Variants in GON4L observed in about 807,000 individuals in gnomAD.
The protein encoded by GON4L is gon-4 like, also known as GON-4-like protein.
Under a neutral mutation model 211.8 loss-of-function variants are expected in GON4L, and 87 were observed. The ratio of observed to expected loss-of-function variants is 0.41; its 90% CI spans 0.35 to 0.49. GON4L has a LOEUF of 0.49. Ranked by LOEUF, GON4L falls within the 20% of genes least tolerant of loss-of-function variation. The pLI is 0.15. For synonymous variants in GON4L, 875 were observed against 962.6 expected (o/e 0.91, Z 1.68); for missense variants, 2,155 against 2,659.5 (o/e 0.81, Z 4.17).
At chr1:155,797,668 A>ACCCCCCCC (rs66502933) in intron 11 of GON4L, among the ~76,000 whole-genome samples, 5 of 143,528 alleles carry the variant, frequency 3.5e-5, no homozygotes, top group Non-Finnish European at 6.1e-5. Flanking sequence ...ACATGGTGAG[A>ACCCCCCCC]CCCCCCCCCT....
At chr1:155,812,558 A>ATT (rs763363461) in intron 10 of GON4L, among the ~76,000 whole-genome samples, 2 of 144,828 alleles carry the variant, frequency 1.4e-5, no homozygotes, top group Non-Finnish European at 1.5e-5. Context: ...CTGTATCCTG[A>ATT]TTTTTTTTTT....
At chr1:155,829,780 C>T (rs1571884098) in intron 2 of GON4L, among the ~76,000 whole-genome samples, 1 of 151,870 alleles carries the variant, frequency 6.6e-6, no homozygotes, top group African/African-American at 2.4e-5. Flanking sequence ...TAGCATCCAG[C>T]ATATCTATAA....
At chr1:155,833,844 T>C (rs927555671) in intron 2 of GON4L, among the ~76,000 whole-genome samples, 10 of 151,310 alleles carry the variant, frequency 6.6e-5, no homozygotes, top group African/African-American at 2.2e-4. Flanking sequence ...TTCTTTTTTT[T>C]ACAGACAAGG....
intron 27 of GON4L, among the ~76,000 whole-genome samples, chr1:155,755,102 G>A (rs1405580866): frequency 4.5e-5 from 6 of 134,212 alleles, no homozygotes; most frequent in Non-Finnish European, 9.3e-5. Flanking sequence ...ATGGAGTCTC[G>A]CTCTTTCTCC....
intron 27 of GON4L, 90 bp from the exon 28 acceptor site, chr1:155,754,578 G>C: frequency 1.3e-6 from 1 of 758,520 alleles, no homozygotes; most frequent in South Asian, 1.7e-5. Flanking sequence ...GGCCCAGGCT[G>C]GGTTGCAGTG....
intron 2 of GON4L, among the ~76,000 whole-genome samples, chr1:155,832,430 G>A (rs764989370): frequency 2.6e-5 from 4 of 152,118 alleles, no homozygotes; most frequent in Non-Finnish European, 4.4e-5. Context: ...CACAAGGTCA[G>A]GAGTTCAAGA....
intron 11 of GON4L, among the ~76,000 whole-genome samples, chr1:155,799,570 T>A (rs948581543): frequency 6.6e-6 from 1 of 152,220 alleles, no homozygotes. Flanking sequence ...TTCCAATCCT[T>A]TAGATATATC....
chr1:155,764,084 T>C (rs1036665358), intron 21 of GON4L, among the ~76,000 whole-genome samples: 4 of 150,530 alleles, frequency 2.7e-5, no homozygotes, highest in East Asian at 3.9e-4. Flanking sequence ...ATCCCAGTGA[T>C]AGCTGACATT....
intron 12 of GON4L, among the ~76,000 whole-genome samples, chr1:155,789,012 C>G (rs1665243107): frequency 6.6e-6 from 1 of 151,592 alleles, no homozygotes; most frequent in Non-Finnish European, 1.5e-5. Flanking sequence ...ATGGCGTGAA[C>G]CTGGTAGGCG....
intron 12 of GON4L, among the ~76,000 whole-genome samples, chr1:155,786,821 T>G (rs1034212478): frequency 6.6e-6 from 1 of 152,180 alleles, no homozygotes; most frequent in Admixed American, 6.5e-5. Context: ...TTGCCCAGGC[T>G]GGTCTCAAAC....
chr1:155,822,988 T>C (rs982738049), intron 3 of GON4L, among the ~76,000 whole-genome samples: 1 of 151,854 alleles, frequency 6.6e-6, no homozygotes, highest in Non-Finnish European at 1.5e-5. Flanking sequence ...AGAGATAGGG[T>C]TTCTCCATGT....
In GON4L at chr1:155,766,574, A is replaced by T. The variant is rs549460246; in HGVS notation, c.2899T>A (p.Ser967Thr). The stretch of plus-strand genomic sequence containing the variant: ...TTAGGCAATAGCAGTGGGTACCGAG[A>T]TTCACTCCCCAACTCCAAATTGTCT... ...EKDNLELGSE[S>T]RYPLLLPKGV... Residue 967 changes from serine (S) to threonine (T), a missense_variant, in exon 21 of 32, where the codon TCT becomes ACT. By Grantham distance (58) the Ser-to-Thr change is moderately conservative. Around this residue, in one of 6 missense-constraint regions of GON4L, gnomAD observed 615 missense variants for 625.7 expected, o/e 0.98. Transcript: ENST00000368331. 5.9e-4 allele frequency: 947 copies of T among 1,613,856 alleles called. 10 individuals are homozygous for T. Among genetic ancestry groups the T allele is most frequent in the South Asian group, 1.1e-3 (97 of 91,066 alleles).
intron 14 of GON4L, among the ~76,000 whole-genome samples, chr1:155,783,374 T>C (rs1282666296): frequency 6.6e-6 from 1 of 152,214 alleles, no homozygotes; most frequent in Non-Finnish European, 1.5e-5. Context: ...AACTGCATCC[T>C]GACATCTAGC....
intron 28 of GON4L, 154 bp downstream of exon 28, chr1:155,754,221 G>A (rs1288021207): frequency 4.3e-6 from 3 of 694,228 alleles, no homozygotes; most frequent in East Asian, 5.4e-5. Context: ...CGTATTTCTA[G>A]CAGATTCCAT....
At chr1:155,846,386 G>A (rs1469015234) in intron 2 of GON4L, among the ~76,000 whole-genome samples, 1 of 151,794 alleles carries the variant, frequency 6.6e-6, no homozygotes, top group Non-Finnish European at 1.5e-5. Context: ...AGCCGGGTGT[G>A]GTGGCGGGCA....
rs779776327 is a variant in GON4L at position 155,752,483 on chromosome 1, G to A, written c.5950C>T (p.Pro1984Ser). The change falls in exon 30 of 32, where the codon CCC (proline) becomes TCC (serine). Residue 1984 changes from proline to serine, a missense_variant. Physicochemically the swap from Pro to Ser is moderately conservative, Grantham distance 74. This residue lies in a region of GON4L where 455 missense variants were observed against 504.6 expected (regional missense o/e 0.90). Transcript: ENST00000368331. ...PPHSPETPQF[P>S]PTTGAVLYTV... The stretch of plus-strand genomic sequence containing the variant: ...TACAGTACAGCTCCAGTTGTGGGGG[G>A]AAATTGAGGAGTCTCTGGTGAATGA... 6 of 1,580,514 alleles carry A rather than the reference G, an allele frequency of 3.8e-6. No homozygotes were observed. The South Asian group carries it at 5.8e-5, about 15-fold the overall frequency.
At chr1:155,822,169 G>A in intron 4 of GON4L, 117 bp downstream of exon 4, 1 of 855,400 alleles carries the variant, frequency 1.2e-6, no homozygotes, top group Non-Finnish European at 2.0e-6. Context: ...TTCTGTCACG[G>A]GTAACCCACA....
At chr1:155,790,850 A>G (rs1367537377) in intron 12 of GON4L, among the ~76,000 whole-genome samples, 1 of 151,860 alleles carries the variant, frequency 6.6e-6, no homozygotes, top group East Asian at 1.9e-4. Context: ...AGGCTGAGGC[A>G]GGAGATTCAC....
chr1:155,819,107 A>G (rs1668513201), intron 6 of GON4L, among the ~76,000 whole-genome samples: 1 of 152,056 alleles, frequency 6.6e-6, no homozygotes, highest in African/African-American at 2.4e-5. Context: ...CTGGCCAAAC[A>G]TGGTGCAACC....
Sources: allele counts gnomAD v4.1 joint callset (sites outside exome capture counted in the v4.1 genomes callset), GRCh38; gene constraint gnomAD v4.1.1; regional missense constraint gnomAD v4.1.1; transcripts MANE v1.5; gene names NCBI Gene and HGNC (gene_info 2026-07-23, HGNC 2026-07-21).